The following LARP4B variants were observed in gnomAD, a reference collection of about 807,000 sequenced individuals.
The protein encoded by LARP4B is la-related protein 4B.
Under a neutral mutation model 89.8 loss-of-function variants are expected in LARP4B, and 12 were observed. That is an observed-to-expected ratio of 0.13 (90% CI 0.09 to 0.22). The LOEUF (loss-of-function observed/expected upper bound fraction) is 0.22, where lower values mean the gene tolerates loss of function less well. Among genes scored for constraint, LARP4B ranks in the 10% least tolerant of loss-of-function variants. The probability of loss-of-function intolerance (pLI) is 1.00; values close to 1 mark genes in which losing one functional copy is unlikely to be tolerated. For missense variants in LARP4B, 757 were observed against 947.7 expected (o/e 0.80, Z 2.64); for synonymous variants, 367 against 363.3 (o/e 1.01, Z -0.12).
At position 874,395 on chromosome 10, in the gene LARP4B, T is replaced by C. The variant is rs144033403; in HGVS notation, c.141+10052A>G. Among the ~76,000 whole-genome samples, 936 of 152,030 alleles carry C rather than the reference T, an allele frequency of 6.2e-3. 3 individuals are homozygous for C. Among genetic ancestry groups the C allele is most frequent in the Non-Finnish European group, 0.01 (705 of 67,968 alleles). ...AAGGAACAAGAAAAAAAAGGGAAAA[T>C]AGATCTACAAGCTCTGGTACCAGAA... On this transcript the variant is annotated intron_variant, in intron 3 of 17. Transcript: ENST00000316157.
At chr10:928,346 C>T (rs936038826) in intron 1 of LARP4B, among the ~76,000 whole-genome samples, 13 of 152,078 alleles carry the variant, frequency 8.5e-5, no homozygotes, top group East Asian at 3.8e-4. Context: ...ATAGACAACA[C>T]GTTACTAAGA....
downstream of LARP4B, chr10:808,039 A>G (rs1349807128): frequency 6.6e-6 from 1 of 152,280 alleles, no homozygotes; most frequent in Non-Finnish European, 1.5e-5. Flanking sequence ...TGGATATAGC[A>G]AGGAATGGAA....
chr10:977,714 TA>T, the LARP4B span, among the ~76,000 whole-genome samples: 6 of 152,218 alleles, frequency 3.9e-5, no homozygotes, highest in African/African-American at 1.4e-4. Flanking sequence ...TTAGGTATTA[TA>T]AATCACCTAG....
the LARP4B span, among the ~76,000 whole-genome samples, chr10:941,602 C>T: frequency 1.3e-5 from 2 of 152,176 alleles, no homozygotes; most frequent in South Asian, 2.1e-4. Flanking sequence ...ATTACAGGCG[C>T]GAGCCACTGC....
chr10:909,110 C>A (rs192296348), intron 1 of LARP4B, among the ~76,000 whole-genome samples: 7 of 151,988 alleles, frequency 4.6e-5, no homozygotes, highest in South Asian at 4.2e-4. Context: ...CTGGCTAACA[C>A]GGTGAAACCC....
Position 836,450 on chromosome 10 carries a change from G to A in LARP4B, c.703C>T (p.Arg235Cys), listed in dbSNP as rs1381139107. ...ATTTCACGCAATATTACTATGCAGCGATTTTGATTTGGCCTTACTTTTTCT... is the reference window on the plus strand; with the variant it reads ...ATTTCACGCAATATTACTATGCAGCAATTTTGATTTGGCCTTACTTTTTCT... ...KGEKVRPNQNRCIVILREISE... is the reference protein window; with the variant it reads ...KGEKVRPNQNCCIVILREISE... The change falls in exon 8 of 18, where the codon CGC becomes TGC. Residue 235 changes from arginine to cysteine, a missense_variant. By Grantham distance (180) the Arg-to-Cys change is radical. This residue lies in a region of LARP4B where 4 missense variants were observed against 27.3 expected (regional missense o/e 0.15). Coordinates refer to ENST00000316157, the MANE Select transcript of LARP4B (RefSeq NM_015155.3). The A allele has an allele frequency of 1.2e-6, 2 of 1,613,274 alleles. No homozygotes were observed. Among genetic ancestry groups the A allele is most frequent in the East Asian group, 2.2e-5 (1 of 44,830 alleles).
At chr10:841,330 T>C (rs1346651576) in intron 7 of LARP4B, among the ~76,000 whole-genome samples, 1 of 152,102 alleles carries the variant, frequency 6.6e-6, no homozygotes, top group Non-Finnish European at 1.5e-5. Context: ...TACATTTCTG[T>C]CCAAAAATCG....
At chr10:869,513 T>C (rs1164120408) in intron 3 of LARP4B, among the ~76,000 whole-genome samples, 1 of 152,228 alleles carries the variant, frequency 6.6e-6, no homozygotes, top group African/African-American at 2.4e-5. Context: ...TCATTAATGT[T>C]ATAGTAATTC....
intron 1 of LARP4B, among the ~76,000 whole-genome samples, chr10:929,604 G>A (rs995468884): frequency 2.0e-5 from 3 of 151,744 alleles, no homozygotes; most frequent in Non-Finnish European, 2.9e-5. Flanking sequence ...ACTCGGGGGG[G>A]GAAGAAAAAA....
At chr10:856,109 T>G (rs1384124350) in intron 5 of LARP4B, among the ~76,000 whole-genome samples, 1 of 152,104 alleles carries the variant, frequency 6.6e-6, no homozygotes, top group Non-Finnish European at 1.5e-5. Flanking sequence ...GCAATTAAAC[T>G]TATAGGAGGA....
rs751819139 is a variant in LARP4B, at chr10:904,576, AAAAAT to A, written c.-39-18821_-39-18817del. Among the ~76,000 whole-genome samples the A allele has an allele frequency of 1.6e-4, 24 of 152,104 alleles. No homozygotes were observed. The East Asian group carries it at 4.2e-3, about 27-fold the overall frequency. On this transcript the variant is annotated intron_variant, in intron 1 of 17. Coordinates refer to ENST00000316157, the MANE Select transcript of LARP4B (RefSeq NM_015155.3). ...ACTGTCTCAAAATAAAAATAAAAAT[AAAAAT>A]AAAATAAAAATAAATAAATAAAATG...
At chr10:975,918 G>A in the LARP4B span, among the ~76,000 whole-genome samples, 1 of 151,250 alleles carries the variant, frequency 6.6e-6, no homozygotes, top group Admixed American at 6.6e-5. Context: ...TGCAACGTGT[G>A]GACCCGGCCT....
chr10:909,077 A>T (rs143177474), intron 1 of LARP4B, among the ~76,000 whole-genome samples: 1 of 151,770 alleles, frequency 6.6e-6, no homozygotes, highest in Admixed American at 6.6e-5. Flanking sequence ...GGCAGATCAC[A>T]AGGTCAGGAG....
the LARP4B span, chr10:971,756 A>G: frequency 1.3e-5 from 2 of 152,366 alleles, 1 homozygote; most frequent in South Asian, 4.1e-4. Flanking sequence ...TAGCCACATG[A>G]GTCTATTTGC....
the LARP4B span, chr10:972,541 T>G: frequency 2.2e-6 from 1 of 457,220 alleles, no homozygotes; most frequent in Non-Finnish European, 4.4e-6. Flanking sequence ...TGTCCACTCA[T>G]GTAGAAGCCA....
chr10:943,250 C>A, the LARP4B span, among the ~76,000 whole-genome samples: 1 of 152,112 alleles, frequency 6.6e-6, no homozygotes, highest in Non-Finnish European at 1.5e-5. Context: ...CCTGGCCTCA[C>A]AAGTCCTTTC....
chr10:808,724 C>T (rs115966349), downstream of LARP4B: 14 of 147,668 alleles, frequency 9.5e-5, no homozygotes, highest in African/African-American at 3.2e-4. Flanking sequence ...GGATTAAAAG[C>T]GTGTGTGTGT....
At chr10:922,438 G>T (rs1031997192) in intron 1 of LARP4B, among the ~76,000 whole-genome samples, 1 of 152,190 alleles carries the variant, frequency 6.6e-6, no homozygotes, top group Admixed American at 6.5e-5. Context: ...ATGGAGCAAG[G>T]CACAGGGGCT....
At chr10:933,877 G>A (rs544917718), upstream of LARP4B, among the ~76,000 whole-genome samples, 3 of 151,254 alleles carry the variant, frequency 2.0e-5, no homozygotes, top group South Asian at 4.2e-4. Flanking sequence ...CTGTCACCCC[G>A]GCTGGAGTGC....
Sources: allele counts gnomAD v4.1 joint callset (sites outside exome capture counted in the v4.1 genomes callset), GRCh38; gene constraint gnomAD v4.1.1; regional missense constraint gnomAD v4.1.1; transcripts MANE v1.5; gene names NCBI Gene and HGNC (gene_info 2026-07-23, HGNC 2026-07-21).